The following HEATR5A variants were observed in gnomAD, a reference collection of about 807,000 sequenced individuals.
The protein encoded by HEATR5A is HEAT repeat containing 5A.
A neutral mutation model predicts 218.8 loss-of-function variants in HEATR5A; 178 were observed. The ratio of observed to expected loss-of-function variants is 0.81; its 90% CI spans 0.72 to 0.92. HEATR5A has a LOEUF of 0.92. Among genes scored for constraint, HEATR5A ranks in the 40% least tolerant of loss-of-function variants. The probability of loss-of-function intolerance (pLI) is 0.00; values close to 1 mark genes in which losing one functional copy is unlikely to be tolerated. For missense variants in HEATR5A, 2,420 were observed against 2,418.9 expected (o/e 1.00, Z -0.01); for synonymous variants, 864 against 871.6 (o/e 0.99, Z 0.15).
intron 21 of HEATR5A, among the ~76,000 whole-genome samples, chr14:31,342,389 T>C (rs1900869598): frequency 6.6e-6 from 1 of 152,046 alleles, no homozygotes; most frequent in Admixed American, 6.6e-5. Flanking sequence ...GCCTCTAAAA[T>C]AAATAAATAA....
intron 28 of HEATR5A, among the ~76,000 whole-genome samples, chr14:31,310,274 A>C (rs1595083658): frequency 6.6e-6 from 1 of 151,690 alleles, no homozygotes; most frequent in African/African-American, 2.4e-5. Flanking sequence ...AGCTCAAGTG[A>C]CCCTCCCACC....
intron 33 of HEATR5A, 79 bp downstream of exon 33, chr14:31,302,216 G>T: frequency 9.8e-7 from 1 of 1,021,074 alleles, no homozygotes; most frequent in Non-Finnish European, 1.5e-6. Context: ...ATATGATCAA[G>T]TAAAATATCT....
chr14:31,387,103 T>A lies in HEATR5A; in HGVS notation c.1189+17A>T, dbSNP rs1287010868. ...CATTAGCACTGTTAAACAAACTGTCTTAGTAGAGATCCATACCCATAACTT... is the reference window on the plus strand; with the variant it reads ...CATTAGCACTGTTAAACAAACTGTCATAGTAGAGATCCATACCCATAACTT... On this transcript the variant is annotated intron_variant, in intron 8 of 35. Coordinates refer to ENST00000543095, the MANE Select transcript of HEATR5A (RefSeq NM_015473.4). 1.2e-6 allele frequency: 2 copies of A among 1,613,444 alleles called. No individual in the cohort carries two copies. The highest frequency in any genetic ancestry group is 3.3e-5 in the Admixed American group (2 of 59,972).
chr14:31,394,001 A>G, intron 6 of HEATR5A, 51 bp downstream of exon 6: 1 of 1,239,890 alleles, frequency 8.1e-7, no homozygotes, highest in South Asian at 1.5e-5. Flanking sequence ...GTTTATATCA[A>G]CTGGGGAAAA....
chr14:31,411,218 A>G (rs1208000546), intron 1 of HEATR5A, among the ~76,000 whole-genome samples: 2 of 152,186 alleles, frequency 1.3e-5, no homozygotes, highest in Non-Finnish European at 2.9e-5. Flanking sequence ...GTTTTTGAAA[A>G]TTCATAAGAA....
chr14:31,316,052 G>T (rs913673472), intron 26 of HEATR5A, 103 bp from the exon 27 acceptor site: 2 of 854,990 alleles, frequency 2.3e-6, no homozygotes, highest in African/African-American at 1.7e-5. Flanking sequence ...GGGAGGTGAC[G>T]CAGGCAGATC....
At chr14:31,416,526 C>T (rs1027363698) in intron 1 of HEATR5A, among the ~76,000 whole-genome samples, 7 of 151,826 alleles carry the variant, frequency 4.6e-5, no homozygotes, top group African/African-American at 1.7e-4. Context: ...GCTCCAATTT[C>T]TTAGGCAAAT....
At chr14:31,341,537 A>C (rs937240763) in intron 21 of HEATR5A, among the ~76,000 whole-genome samples, 1 of 152,076 alleles carries the variant, frequency 6.6e-6, no homozygotes, top group Non-Finnish European at 1.5e-5. Flanking sequence ...GTGGGACTAC[A>C]GGTGCACACC....
intron 16 of HEATR5A, among the ~76,000 whole-genome samples, chr14:31,355,830 T>A (rs1255906868): frequency 6.6e-6 from 1 of 152,242 alleles, no homozygotes; most frequent in Non-Finnish European, 1.5e-5. Flanking sequence ...ACAGTCAGAA[T>A]AGAGAGAATC....
chr14:31,366,494 T>C (rs1901808763), intron 13 of HEATR5A, among the ~76,000 whole-genome samples: 1 of 152,170 alleles, frequency 6.6e-6, no homozygotes, highest in Non-Finnish European at 1.5e-5. Context: ...TTCAGAGAAG[T>C]GTATGTACAT....
At chr14:31,387,795 C>T (rs1022860259) in intron 7 of HEATR5A, among the ~76,000 whole-genome samples, 4 of 152,140 alleles carry the variant, frequency 2.6e-5, no homozygotes, top group Admixed American at 6.5e-5. Context: ...CTCCTGACTT[C>T]GTGATCCACC....
intron 13 of HEATR5A, among the ~76,000 whole-genome samples, chr14:31,365,595 C>T (rs1901771008): frequency 6.6e-6 from 1 of 151,958 alleles, no homozygotes; most frequent in African/African-American, 2.4e-5. Flanking sequence ...CTCCTGACCT[C>T]GTGATGCACC....
In HEATR5A at chr14:31,386,391, G is replaced by C. The variant is rs188469753; in HGVS notation, c.1345+29C>G. 242 of 1,586,462 alleles carry C rather than the reference G, an allele frequency of 1.5e-4. No homozygotes were observed. In the African/African-American group the frequency reaches 3.1e-3, roughly 20 times the overall value. On this transcript the variant is annotated intron_variant, in intron 9 of 35. Coordinates refer to ENST00000543095, the MANE Select transcript of HEATR5A (RefSeq NM_015473.4). The stretch of plus-strand genomic sequence containing the variant: ...GGAACAAAGTTATCTAGTGTACAAG[G>C]TATTCCAATGAGTCACAAACAGATA...
In HEATR5A at chr14:31,307,944, C is replaced by T. The variant is rs774866752; in HGVS notation, c.4767G>A (p.Leu1589=). 2.1e-5 allele frequency: 34 copies of T among 1,613,598 alleles called. No homozygotes were observed. Among genetic ancestry groups the T allele is most frequent in the African/African-American group, 4.0e-5 (3 of 74,910 alleles). ...GCCAAGGTACATCTAGAAGTGCTTGCAATGCATGTAAACAAGCAGTTATGC... is the reference window on the plus strand; with the variant it reads ...GCCAAGGTACATCTAGAAGTGCTTGTAATGCATGTAAACAAGCAGTTATGC... The part of the protein sequence containing the change: ...MESITACLHA[L]QALLDVPWPR... Residue 1589 remains leucine (L), a synonymous_variant, in exon 30 of 36, where the codon TTG becomes TTA. Coordinates refer to ENST00000543095, the MANE Select transcript of HEATR5A (RefSeq NM_015473.4).
intron 34 of HEATR5A, among the ~76,000 whole-genome samples, chr14:31,294,925 C>T (rs558094467): frequency 4.6e-5 from 7 of 152,286 alleles, no homozygotes; most frequent in African/African-American, 1.4e-4. Flanking sequence ...GACTTGGAGA[C>T]TGCTATACAA....
chr14:31,333,542 C>A (rs530060522), intron 22 of HEATR5A, among the ~76,000 whole-genome samples: 1 of 152,020 alleles, frequency 6.6e-6, no homozygotes, highest in African/African-American at 2.4e-5. Context: ...GAGAGCCCAG[C>A]CTAAAACAAC....
Position 31,293,340 on chromosome 14 carries a change from T to A in HEATR5A, c.6106A>T (p.Asn2036Tyr), listed in dbSNP as rs1899076475. 6.3e-7 allele frequency: 1 copy of A among 1,596,204 alleles called. No individual in the cohort carries two copies. Among genetic ancestry groups the A allele is most frequent in the Admixed American group, 1.8e-5 (1 of 55,108 alleles). The change falls in exon 36 of 36, where the codon AAC (asparagine) becomes TAC (tyrosine). Residue 2036 changes from asparagine (N) to tyrosine (Y), a missense_variant. Asn to Tyr is a moderately radical substitution (Grantham distance 143). Transcript: ENST00000543095. ...CTGGTCTTTAATTGGATGCTTGAGT[T>A]TTTTCCAGGACTCTTAGTATATTTA... Reference protein sequence around the residue: ...TSKYTKSPGKNSSIQLKTSFL With the variant: ...TSKYTKSPGKYSSIQLKTSFL
At chr14:31,415,355 CT>C (rs949199568) in intron 1 of HEATR5A, among the ~76,000 whole-genome samples, 1 of 152,204 alleles carries the variant, frequency 6.6e-6, no homozygotes, top group Non-Finnish European at 1.5e-5. Context: ...TCATGTCCTA[CT>C]CATGGAATAC....
chr14:31,322,061 T>C (rs904612143), intron 24 of HEATR5A, among the ~76,000 whole-genome samples: 1 of 152,224 alleles, frequency 6.6e-6, no homozygotes, highest in Non-Finnish European at 1.5e-5. Context: ...AGGTTGAAGC[T>C]AAGACATAAT....
Sources: gnomAD v4.1 joint callset for allele counts (sites outside exome capture counted in the v4.1 genomes callset) on GRCh38, gnomAD v4.1.1 for gene constraint, MANE v1.5 for transcripts, NCBI Gene and HGNC (gene_info 2026-07-23, HGNC 2026-07-21) for gene names.